The following RANBP2 variants were observed in gnomAD, a reference collection of about 807,000 sequenced individuals.
RANBP2 encodes E3 SUMO-protein ligase RanBP2.
A neutral mutation model predicts 303.6 loss-of-function variants in RANBP2; 57 were observed. The ratio of observed to expected loss-of-function variants is 0.19; its 90% CI spans 0.15 to 0.23. RANBP2 has a LOEUF of 0.23. Ranked by LOEUF, RANBP2 falls within the 10% of genes least tolerant of loss-of-function variation. The probability of loss-of-function intolerance (pLI) is 1.00; values close to 1 mark genes in which losing one functional copy is unlikely to be tolerated. For missense variants in RANBP2, 3,138 were observed against 3,780.8 expected (o/e 0.83, Z 4.46); for synonymous variants, 1,167 against 1,301.5 (o/e 0.90, Z 2.23).
the RANBP2 span, chr2:109,605,333 G>T: frequency 6.6e-6 from 1 of 152,170 alleles, no homozygotes; most frequent in East Asian, 1.9e-4. Context: ...AGCCAGGCAT[G>T]GTGGCAGGTG....
chr2:108,863,187 G>A, the RANBP2 span, among the ~76,000 whole-genome samples: 14 of 151,932 alleles, frequency 9.2e-5, no homozygotes, highest in Admixed American at 5.2e-4. Context: ...TTATTCAATC[G>A]TTCTATTATG....
At chr2:109,497,830 T>C in the RANBP2 span, among the ~76,000 whole-genome samples, 6 of 152,292 alleles carry the variant, frequency 3.9e-5, no homozygotes, top group African/African-American at 1.4e-4. Context: ...TGCTTGTTTA[T>C]TTCACATCTG....
At chr2:109,571,662 G>C in the RANBP2 span, among the ~76,000 whole-genome samples, 1 of 152,174 alleles carries the variant, frequency 6.6e-6, no homozygotes, top group Non-Finnish European at 1.5e-5. Flanking sequence ...TGCACTGCAA[G>C]ACTGTCCTAC....
the RANBP2 span, among the ~76,000 whole-genome samples, chr2:109,636,855 C>G: frequency 1.3e-5 from 2 of 152,028 alleles, no homozygotes; most frequent in South Asian, 4.2e-4. Flanking sequence ...GTGGCCTGCC[C>G]CTCCACACCT....
At chr2:109,008,339 G>A in the RANBP2 span, among the ~76,000 whole-genome samples, 2 of 152,176 alleles carry the variant, frequency 1.3e-5, no homozygotes, top group African/African-American at 4.8e-5. Context: ...ATGAATGAAT[G>A]AATGAGATGG....
the RANBP2 span, among the ~76,000 whole-genome samples, chr2:109,196,945 C>T: frequency 1.3e-5 from 2 of 152,320 alleles, no homozygotes; most frequent in South Asian, 2.1e-4. Flanking sequence ...GCTTCCCCTA[C>T]ACAGTGCGCC....
At chr2:109,257,870 GAC>G in the RANBP2 span, among the ~76,000 whole-genome samples, 2 of 152,230 alleles carry the variant, frequency 1.3e-5, no homozygotes, top group African/African-American at 4.8e-5. Flanking sequence ...AGTAAACACA[GAC>G]AGAGCACACT....
the RANBP2 span, among the ~76,000 whole-genome samples, chr2:108,792,316 C>G: frequency 6.6e-6 from 1 of 152,208 alleles, no homozygotes; most frequent in Non-Finnish European, 1.5e-5. Context: ...TTTTCCCTCT[C>G]CTTTGTTTTC....
At chr2:109,523,873 GCAT>G in the RANBP2 span, among the ~76,000 whole-genome samples, 1 of 152,214 alleles carries the variant, frequency 6.6e-6, no homozygotes, top group African/African-American at 2.4e-5. Flanking sequence ...TTTCCTGTTT[GCAT>G]CTCAGGGCCA....
the RANBP2 span, among the ~76,000 whole-genome samples, chr2:109,315,345 A>G: frequency 1.3e-5 from 2 of 152,210 alleles, no homozygotes; most frequent in Admixed American, 6.5e-5. Flanking sequence ...CAAGCCAGGT[A>G]AAGTGCTTTG....
chr2:108,986,782 TA>T, the RANBP2 span, among the ~76,000 whole-genome samples: 3 of 152,096 alleles, frequency 2.0e-5, no homozygotes, highest in African/African-American at 7.2e-5. Context: ...CTTTGGGACT[TA>T]AAAAAAATTC....
At chr2:108,783,376 A>G (rs1678394534) in intron 28 of RANBP2, among the ~76,000 whole-genome samples, 1 of 148,448 alleles carries the variant, frequency 6.7e-6, no homozygotes. Context: ...AATTTTCAGT[A>G]CTTGAGATCT....
the RANBP2 span, among the ~76,000 whole-genome samples, chr2:108,997,004 T>A: frequency 2.0e-5 from 3 of 152,128 alleles, no homozygotes; most frequent in Non-Finnish European, 4.4e-5. Context: ...CTGACTGCTG[T>A]AAGGGTGGGG....
the RANBP2 span, chr2:109,566,003 T>A: frequency 1.4e-6 from 1 of 714,636 alleles, no homozygotes; most frequent in African/African-American, 1.8e-5. Context: ...TTTTAAAACC[T>A]GCCAGTGAAT....
chr2:109,556,998 A>T, the RANBP2 span, among the ~76,000 whole-genome samples: 1 of 152,102 alleles, frequency 6.6e-6, no homozygotes, highest in Non-Finnish European at 1.5e-5. Flanking sequence ...AGGAAGGGGA[A>T]CATCACACAC....
the RANBP2 span, among the ~76,000 whole-genome samples, chr2:108,983,427 T>C: frequency 6.6e-6 from 1 of 152,246 alleles, no homozygotes. Flanking sequence ...CAGTAAACCA[T>C]AAAACCACAT....
chr2:109,393,924 T>C, the RANBP2 span, among the ~76,000 whole-genome samples: 2 of 150,418 alleles, frequency 1.3e-5, no homozygotes, highest in Admixed American at 6.6e-5. Context: ...ACCCAGGGAT[T>C]TGGGGTGACT....
the RANBP2 span, among the ~76,000 whole-genome samples, chr2:109,711,319 A>G: frequency 6.6e-6 from 1 of 151,890 alleles, no homozygotes; most frequent in Non-Finnish European, 1.5e-5. Context: ...ACGCCCAGCC[A>G]TTCCTACCAT....
chr2:109,561,446 C>T, the RANBP2 span, among the ~76,000 whole-genome samples: 241 of 152,242 alleles, frequency 1.6e-3, 2 homozygotes, highest in Middle Eastern at 0.02. Flanking sequence ...AACTCCCCTA[C>T]AAGAACATAA....
Sources: allele counts gnomAD v4.1 joint callset (sites outside exome capture counted in the v4.1 genomes callset), GRCh38; gene constraint gnomAD v4.1.1; transcripts MANE v1.5; gene names NCBI Gene and HGNC (gene_info 2026-07-23, HGNC 2026-07-21).